CPNE1: variants seen among roughly 807,000 people sequenced by gnomAD.
The protein encoded by CPNE1 is copine-1.
CPNE1 carries 58 observed loss-of-function variants against 63.2 expected under a neutral mutation model. The ratio of observed to expected loss-of-function variants is 0.92; its 90% CI spans 0.74 to 1.14. The LOEUF (loss-of-function observed/expected upper bound fraction) is 1.14, where lower values mean the gene tolerates loss of function less well. Among genes scored for constraint, CPNE1 ranks in the 50% most tolerant of loss-of-function variants. The pLI is 0.00. For synonymous variants in CPNE1, 237 were observed against 249.0 expected (o/e 0.95, Z 0.45); for missense variants, 672 against 661.7 (o/e 1.02, Z -0.17).
rs1601490947 is a variant in CPNE1 at position 35,658,814 on chromosome 20, C to CAT, written c.-1+5945_-1+5946insAT. On this transcript the variant is annotated intron_variant, in intron 1 of 15. Coordinates refer to ENST00000397443, the MANE Select transcript of CPNE1 (RefSeq NM_152925.3). ...ACAAGCAAACAAAAACACACACACA[C>CAT]ACACACACACACACACACACACACA... 1.0e-5 allele frequency: 5 copies of CAT among 502,082 alleles called. No individual in the cohort carries two copies. The East Asian group carries it at 1.5e-4, about 16-fold the overall frequency. 31.1% of individuals were successfully genotyped at this position (502,082 alleles called of 1,614,324 possible).
chr20:35,663,366 T>C (rs1173501994), intron 1 of CPNE1, among the ~76,000 whole-genome samples: 5 of 152,188 alleles, frequency 3.3e-5, no homozygotes, highest in African/African-American at 1.2e-4. Flanking sequence ...TCCCAGACAA[T>C]TCTTGTTGCT....
chr20:35,653,289 AGGCAGTCCTGTGCTG>A (rs1246168035), intron 1 of CPNE1: 3 of 1,613,414 alleles, frequency 1.9e-6, no homozygotes, highest in Non-Finnish European at 2.5e-6. Context: ...TTGCTGAACC[AGGCAGTCCTGTGCTG>A]GGCAGGCCTG....
At chr20:35,640,003 T>C (rs1445744335) in intron 1 of CPNE1, among the ~76,000 whole-genome samples, 1 of 152,206 alleles carries the variant, frequency 6.6e-6, no homozygotes, top group African/African-American at 2.4e-5. Context: ...GATAAGGGGC[T>C]GAACTCTCAC....
intron 1 of CPNE1, among the ~76,000 whole-genome samples, chr20:35,662,997 G>A (rs770949997): frequency 9.9e-5 from 15 of 152,144 alleles, no homozygotes; most frequent in Non-Finnish European, 1.9e-4. Flanking sequence ...ATATAAAAAT[G>A]TATTCCCTGT....
chr20:35,656,912 GA>G (rs2033934842), intron 1 of CPNE1, among the ~76,000 whole-genome samples: 1 of 152,196 alleles, frequency 6.6e-6, no homozygotes, highest in African/African-American at 2.4e-5. Flanking sequence ...AAGAATATTA[GA>G]AGGGGCAAGA....
chr20:35,629,433 G>A (rs1231550017), intron 13 of CPNE1, among the ~76,000 whole-genome samples: 1 of 152,156 alleles, frequency 6.6e-6, no homozygotes, highest in African/African-American at 2.4e-5. Flanking sequence ...CCTGCAAGGA[G>A]GCAAACAAGG....
At position 35,626,962 on chromosome 20, in the gene CPNE1, C is replaced by A. The variant is rs532775455; in HGVS notation, c.1237-159G>T. On this transcript the variant is annotated intron_variant, in intron 14 of 15. Transcript: ENST00000397443. ...CAGCACTTTGGGAGGCTAAGGCAGG[C>A]GGATCACTTGAGGTCAGGAGTTTGT... 1.6e-5 allele frequency: 11 copies of A among 685,586 alleles called. No individual in the cohort carries two copies. In the East Asian group the frequency reaches 2.9e-4, roughly 18 times the overall value. The allele number at this position is 685,586 out of a possible 1,614,324, so 42.5% of individuals were successfully genotyped here. A position where few individuals can be genotyped will look rare whatever the true frequency, so the allele number is the denominator to read the frequency against.
intron 1 of CPNE1, chr20:35,654,685 G>A: frequency 6.2e-7 from 1 of 1,613,626 alleles, no homozygotes; most frequent in Non-Finnish European, 8.5e-7. Flanking sequence ...TGTAGGTACT[G>A]GAGGAGGAAC....
intron 1 of CPNE1, among the ~76,000 whole-genome samples, chr20:35,661,636 T>C (rs2034235661): frequency 6.6e-6 from 1 of 152,148 alleles, no homozygotes; most frequent in Non-Finnish European, 1.5e-5. Flanking sequence ...CATGCACAAA[T>C]CACAAGTATC....
At chr20:35,656,680 A>G (rs903370353) in intron 1 of CPNE1, among the ~76,000 whole-genome samples, 1 of 152,156 alleles carries the variant, frequency 6.6e-6, no homozygotes, top group African/African-American at 2.4e-5. Flanking sequence ...GATTACAGGC[A>G]TGCGCCACCA....
At position 35,647,016 on chromosome 20, in the gene CPNE1, TA is replaced by T. The variant is rs199596637; in HGVS notation, c.1-14094del. Among the ~76,000 whole-genome samples the T allele has an allele frequency of 2.7e-5, 4 of 150,606 alleles. No homozygotes were observed. The South Asian group carries it at 8.4e-4, about 32-fold the overall frequency. ...ATGCCCTAACCTTTAACATTTTAAT[TA>T]AAAAAAAATAGGGCCGGGCATGGTG... On this transcript the variant is annotated intron_variant, in intron 1 of 15. Transcript: ENST00000397443.
In CPNE1 at chr20:35,626,942, C is replaced by G. The variant is rs138250942; in HGVS notation, c.1237-139G>C. ...ATGGCTCACACCTGTAATCCCAGCA[C>G]TTTGGGAGGCTAAGGCAGGCGGATC... On this transcript the variant is annotated intron_variant, in intron 14 of 15. Transcript: ENST00000397443. The G allele has an allele frequency of 9.7e-3, 7,286 of 751,696 alleles. 362 individuals carry two copies. In the African/African-American group the frequency reaches 0.11, roughly 11 times the overall value. 46.6% of individuals were successfully genotyped at this position (751,696 alleles called of 1,614,324 possible). A position where few individuals can be genotyped will look rare whatever the true frequency, so the allele number is the denominator to read the frequency against.
chr20:35,654,734 G>A (rs1473661872), intron 1 of CPNE1: 1 of 1,613,206 alleles, frequency 6.2e-7, no homozygotes, highest in Admixed American at 1.7e-5. Context: ...GGCAGAGATG[G>A]CATCGCTGGA....
At chr20:35,627,208 A>AAAAG in intron 14 of CPNE1, 72 bp downstream of exon 14, 1 of 1,320,756 alleles carries the variant, frequency 7.6e-7, no homozygotes, top group Non-Finnish European at 1.0e-6. Context: ...AAAAAAAAAA[A>AAAAG]AGTCCTTTGT....
intron 14 of CPNE1, 72 bp downstream of exon 14, chr20:35,627,208 A>AAAAAG (rs2031811747): frequency 1.5e-6 from 2 of 1,320,638 alleles, no homozygotes; most frequent in Non-Finnish European, 2.0e-6. Flanking sequence ...AAAAAAAAAA[A>AAAAAG]AGTCCTTTGT....
At chr20:35,653,333 T>C (rs2033670903) in intron 1 of CPNE1, 1 of 1,614,056 alleles carries the variant, frequency 6.2e-7, no homozygotes, top group Non-Finnish European at 8.5e-7. Flanking sequence ...AGTCCTGCAC[T>C]GGGCAGTCCC....
At chr20:35,643,788 C>T (rs959574665) in intron 1 of CPNE1, among the ~76,000 whole-genome samples, 1 of 152,098 alleles carries the variant, frequency 6.6e-6, no homozygotes, top group Non-Finnish European at 1.5e-5. Flanking sequence ...ATAAGCTTGA[C>T]CGTGGAGGCC....
chr20:35,663,011 A>T (rs1307437198), intron 1 of CPNE1, among the ~76,000 whole-genome samples: 2 of 152,254 alleles, frequency 1.3e-5, no homozygotes, highest in Non-Finnish European at 2.9e-5. Context: ...TCCCTGTTTC[A>T]TTAAAAATCT....
At chr20:35,654,062 T>C in intron 1 of CPNE1, 1 of 1,614,232 alleles carries the variant, frequency 6.2e-7, no homozygotes, top group Non-Finnish European at 8.5e-7. Flanking sequence ...GATCTTGACC[T>C]TGATCTTTTC....
Sources: allele counts gnomAD v4.1 joint callset (sites outside exome capture counted in the v4.1 genomes callset), GRCh38; gene constraint gnomAD v4.1.1; transcripts MANE v1.5; gene names NCBI Gene and HGNC (gene_info 2026-07-23, HGNC 2026-07-21).